Variants in SNTG2 observed in about 807,000 individuals in gnomAD.
SNTG2 encodes syntrophin gamma 2, also known as gamma-2-syntrophin.
A neutral mutation model predicts 70.9 loss-of-function variants in SNTG2; 74 were observed. The observed-to-expected ratio is 1.04, with a 90% CI of 0.86 to 1.27. The LOEUF (loss-of-function observed/expected upper bound fraction) is 1.27, where lower values mean the gene tolerates loss of function less well. SNTG2 is among the 50% of genes most tolerant of loss of function. SNTG2 has a pLI of 0.00. For missense variants in SNTG2, 717 were observed against 690.7 expected (o/e 1.04, Z -0.43); for synonymous variants, 278 against 273.8 (o/e 1.02, Z -0.15).
chr2:1,358,802 G>A (rs984393129), intron 16 of SNTG2, among the ~76,000 whole-genome samples: 18 of 152,146 alleles, frequency 1.2e-4, no homozygotes, highest in African/African-American at 4.1e-4. Context: ...GTACACATTT[G>A]AGAAGCTTGT....
intron 14 of SNTG2, among the ~76,000 whole-genome samples, chr2:1,307,080 TGA>T (rs1266317439): frequency 6.8e-6 from 1 of 147,562 alleles, no homozygotes; most frequent in African/African-American, 2.5e-5. Context: ...GGGGAATGTG[TGA>T]GTGTGTGAAC....
chr2:1,170,673 C>T (rs1671068263), intron 7 of SNTG2, among the ~76,000 whole-genome samples: 1 of 152,194 alleles, frequency 6.6e-6, no homozygotes, highest in South Asian at 2.1e-4. Flanking sequence ...AGCTGAACAG[C>T]ATCCGTCCTA....
intron 9 of SNTG2, among the ~76,000 whole-genome samples, chr2:1,227,407 C>G (rs1233579761): frequency 1.3e-5 from 2 of 152,262 alleles, no homozygotes; most frequent in African/African-American, 4.8e-5. Context: ...CGGCCCCTGG[C>G]TGGTGTCCAG....
At chr2:1,253,022 C>G (rs1052772080) in intron 12 of SNTG2, among the ~76,000 whole-genome samples, 5 of 152,158 alleles carry the variant, frequency 3.3e-5, no homozygotes, top group African/African-American at 1.2e-4. Context: ...AAGGTTTTAA[C>G]ATCAGTATCT....
At chr2:1,139,050 A>T (rs78593838) in intron 6 of SNTG2, among the ~76,000 whole-genome samples, 271 of 152,320 alleles carry the variant, frequency 1.8e-3, no homozygotes, top group Non-Finnish European at 3.3e-3. Context: ...AAGGATCAGC[A>T]TATTTCTTGG....
rs59679083 is a variant in SNTG2 at position 1,266,751 on chromosome 2, C to CTTTTT, written c.1078-604_1078-600dup. Among the ~76,000 whole-genome samples the CTTTTT allele has an allele frequency of 2.2e-4, 24 of 107,778 alleles. 11 individuals carry two copies. Among genetic ancestry groups the CTTTTT allele is most frequent in the East Asian group, 1.2e-3 (4 of 3,290 alleles). 70.7% of individuals were successfully genotyped at this position (107,778 alleles called of 152,430 possible). On this transcript the variant is annotated intron_variant, in intron 13 of 16. Transcript: ENST00000308624. ...AATGTCTCAAGACTTTCATCTTTAT[C>CTTTTT]TTTTTTTTTTTTTTCTTGAGACAGG... is the stretch of plus-strand genomic sequence containing the variant.
intron 4 of SNTG2, among the ~76,000 whole-genome samples, chr2:1,130,665 G>T (rs1344776506): frequency 6.6e-6 from 1 of 152,200 alleles, no homozygotes; most frequent in Non-Finnish European, 1.5e-5. Context: ...CATTTTTGGA[G>T]TAACCTGAGA....
intron 14 of SNTG2, among the ~76,000 whole-genome samples, chr2:1,306,956 G>A (rs957654145): frequency 6.6e-6 from 1 of 152,024 alleles, no homozygotes; most frequent in Non-Finnish European, 1.5e-5. Flanking sequence ...TAGGCTGTGT[G>A]GGTGTGAGCC....
At chr2:1,352,092 G>A (rs1022049125) in intron 16 of SNTG2, among the ~76,000 whole-genome samples, 5 of 152,154 alleles carry the variant, frequency 3.3e-5, no homozygotes, top group South Asian at 2.1e-4. Context: ...GGTGACCATC[G>A]CTTTCTAACT....
chr2:989,197 C>T (rs1234736539), intron 1 of SNTG2, among the ~76,000 whole-genome samples: 2 of 152,288 alleles, frequency 1.3e-5, no homozygotes, highest in South Asian at 4.1e-4. Context: ...ACTTCTTTCT[C>T]CCTAACGTAT....
intron 12 of SNTG2, among the ~76,000 whole-genome samples, chr2:1,253,467 A>G (rs1319937387): frequency 6.6e-6 from 1 of 152,228 alleles, no homozygotes; most frequent in Non-Finnish European, 1.5e-5. Context: ...CTATGCAATA[A>G]TGTAGAAATA....
intron 16 of SNTG2, among the ~76,000 whole-genome samples, chr2:1,360,314 A>G (rs1241946845): frequency 6.6e-6 from 1 of 152,120 alleles, no homozygotes; most frequent in Non-Finnish European, 1.5e-5. Flanking sequence ...TGTGCCAGAA[A>G]GCTCCAGCCA....
chr2:986,091 G>GAC (rs1661309948), intron 1 of SNTG2, among the ~76,000 whole-genome samples: 1 of 151,888 alleles, frequency 6.6e-6, no homozygotes, highest in African/African-American at 2.4e-5. Flanking sequence ...GAGAGAGAGA[G>GAC]AGAGAGAGAG....
intron 1 of SNTG2, among the ~76,000 whole-genome samples, chr2:1,041,523 G>A (rs892655631): frequency 7.2e-5 from 11 of 152,140 alleles, no homozygotes; most frequent in African/African-American, 2.7e-4. Context: ...GGTGGAGCCT[G>A]GTGGGAGGTG....
intron 8 of SNTG2, among the ~76,000 whole-genome samples, chr2:1,179,550 C>T (rs1021480225): frequency 3.6e-4 from 55 of 152,102 alleles, no homozygotes; most frequent in African/African-American, 1.3e-3. Context: ...CAAACCACTA[C>T]TCAATGAAAT....
At chr2:1,140,875 G>A (rs1668706420) in intron 6 of SNTG2, among the ~76,000 whole-genome samples, 1 of 152,162 alleles carries the variant, frequency 6.6e-6, no homozygotes, top group Non-Finnish European at 1.5e-5. Flanking sequence ...ACCTTTCACG[G>A]AGCTACCCTT....
chr2:1,211,164 A>G (rs1478047753), intron 9 of SNTG2, among the ~76,000 whole-genome samples: 1 of 152,194 alleles, frequency 6.6e-6, no homozygotes, highest in African/African-American at 2.4e-5. Flanking sequence ...AATTCCTTTT[A>G]AAGTGTGTGC....
intron 6 of SNTG2, among the ~76,000 whole-genome samples, chr2:1,140,459 C>T (rs1668670676): frequency 6.6e-6 from 1 of 152,188 alleles, no homozygotes; most frequent in Admixed American, 6.5e-5. Flanking sequence ...CATCCCTGCG[C>T]AGACACAGAT....
At chr2:1,135,790 C>T (rs920630193) in intron 4 of SNTG2, among the ~76,000 whole-genome samples, 22 of 152,280 alleles carry the variant, frequency 1.4e-4, no homozygotes, top group African/African-American at 3.6e-4. Context: ...TGACTACTTT[C>T]CATAAGTAGC....
Sources: gnomAD v4.1 joint callset for allele counts (sites outside exome capture counted in the v4.1 genomes callset) on GRCh38, gnomAD v4.1.1 for gene constraint, MANE v1.5 for transcripts, NCBI Gene and HGNC (gene_info 2026-07-23, HGNC 2026-07-21) for gene names.